The following NBAS variants were observed in gnomAD, a reference collection of about 807,000 sequenced individuals.
NBAS encodes the protein NBAS subunit of NRZ tethering complex.
NBAS carries 219 observed loss-of-function variants against 302.5 expected under a neutral mutation model. That is an observed-to-expected ratio of 0.72 (90% CI 0.65 to 0.81). NBAS has a LOEUF of 0.81. Ranked by LOEUF, NBAS falls within the 30% of genes least tolerant of loss-of-function variation. The pLI, the probability that NBAS is intolerant of heterozygous loss-of-function variation, is 0.00. For missense variants in NBAS, 2,932 were observed against 2,841.6 expected (o/e 1.03, Z -0.72); for synonymous variants, 1,118 against 1,021.6 (o/e 1.09, Z -1.80).
At chr2:15,156,221 T>C in the NBAS span, among the ~76,000 whole-genome samples, 3 of 152,176 alleles carry the variant, frequency 2.0e-5, no homozygotes, top group African/African-American at 7.2e-5. Context: ...CCAGGAATAG[T>C]AGCTCTGTAC....
the NBAS span, among the ~76,000 whole-genome samples, chr2:15,030,836 C>T: frequency 6.6e-6 from 1 of 152,108 alleles, no homozygotes. Flanking sequence ...ATCAATATCA[C>T]CCCCTCTCCT....
chr2:15,106,388 C>T, the NBAS span, among the ~76,000 whole-genome samples: 3 of 152,012 alleles, frequency 2.0e-5, no homozygotes, highest in South Asian at 2.1e-4. Flanking sequence ...ATCTATTAAT[C>T]GTTTAACTTC....
At chr2:15,146,752 C>T in the NBAS span, among the ~76,000 whole-genome samples, 10 of 152,092 alleles carry the variant, frequency 6.6e-5, no homozygotes, top group South Asian at 2.1e-4. Flanking sequence ...CCCCTATCCC[C>T]GTGGGCCAGG....
chr2:15,338,462 G>C (rs528844485), intron 35 of NBAS, among the ~76,000 whole-genome samples: 20 of 152,166 alleles, frequency 1.3e-4, no homozygotes, highest in Admixed American at 1.3e-3. Context: ...ATACCTGTCA[G>C]AACAAGCAAT....
chr2:15,002,301 C>G, the NBAS span, among the ~76,000 whole-genome samples: 2 of 152,106 alleles, frequency 1.3e-5, no homozygotes, highest in Non-Finnish European at 1.5e-5. Context: ...AAGGCCCCAC[C>G]AGAGTAGCTA....
At chr2:15,185,585 G>A (rs937717757) in intron 50 of NBAS, among the ~76,000 whole-genome samples, 5 of 152,078 alleles carry the variant, frequency 3.3e-5, no homozygotes, top group Non-Finnish European at 7.4e-5. Context: ...CCCTCTCCAG[G>A]AGCCCACAAT....
chr2:15,328,949 C>T (rs981630186), intron 36 of NBAS, among the ~76,000 whole-genome samples: 2 of 152,142 alleles, frequency 1.3e-5, no homozygotes, highest in African/African-American at 4.8e-5. Flanking sequence ...CCTGCTGAAT[C>T]CTTGACAGAT....
intron 38 of NBAS, among the ~76,000 whole-genome samples, chr2:15,312,114 C>T (rs1428996341): frequency 6.6e-6 from 1 of 152,190 alleles, no homozygotes; most frequent in Non-Finnish European, 1.5e-5. Context: ...TTCAAGGACA[C>T]TGAGTTCTCC....
chr2:15,049,245 G>A, the NBAS span, among the ~76,000 whole-genome samples: 1,027 of 152,346 alleles, frequency 6.7e-3, 8 homozygotes, highest in Admixed American at 0.014. Context: ...AGCTCAGGTG[G>A]CACCTGTTCC....
intron 28 of NBAS, among the ~76,000 whole-genome samples, chr2:15,393,251 A>G (rs34815739): frequency 0.63 from 94,990 of 151,778 alleles, 30,486 homozygotes; most frequent in Middle Eastern, 0.69. Context: ...ACAAAGGTAA[A>G]ATAATGAAAA....
At chr2:14,860,601 G>A in the NBAS span, among the ~76,000 whole-genome samples, 20 of 152,146 alleles carry the variant, frequency 1.3e-4, 1 homozygote, top group African/African-American at 4.6e-4. Flanking sequence ...AATCCCACAT[G>A]TTCTCACTCA....
chr2:15,526,935 C>G (rs1170086287), intron 9 of NBAS, among the ~76,000 whole-genome samples: 1 of 151,808 alleles, frequency 6.6e-6, no homozygotes, highest in Admixed American at 6.6e-5. Context: ...CATTTCAATC[C>G]TACGGTCCCA....
chr2:14,985,631 G>A, the NBAS span, among the ~76,000 whole-genome samples: 1 of 152,182 alleles, frequency 6.6e-6, no homozygotes, highest in Non-Finnish European at 1.5e-5. Context: ...AATCTATTGA[G>A]GACAGGGGCT....
At chr2:14,847,641 A>G in the NBAS span, among the ~76,000 whole-genome samples, 4 of 152,106 alleles carry the variant, frequency 2.6e-5, no homozygotes, top group African/African-American at 9.7e-5. Flanking sequence ...ATATAAAGAA[A>G]ATATTATTAG....
chr2:14,972,260 G>A, the NBAS span, among the ~76,000 whole-genome samples: 3 of 151,910 alleles, frequency 2.0e-5, no homozygotes, highest in Non-Finnish European at 4.4e-5. Context: ...TGAGAACACA[G>A]ACACAGGGAG....
the NBAS span, among the ~76,000 whole-genome samples, chr2:15,156,086 C>T: frequency 1.3e-5 from 2 of 152,126 alleles, no homozygotes; most frequent in Non-Finnish European, 2.9e-5. Context: ...ATTTCCTGCC[C>T]AAAAAATGTT....
At chr2:14,816,032 T>C in the NBAS span, among the ~76,000 whole-genome samples, 1 of 152,164 alleles carries the variant, frequency 6.6e-6, no homozygotes, top group African/African-American at 2.4e-5. Flanking sequence ...TTCTTTTGCC[T>C]CTCCATTTCT....
chr2:14,920,308 C>A, the NBAS span, among the ~76,000 whole-genome samples: 3 of 152,142 alleles, frequency 2.0e-5, no homozygotes, highest in Non-Finnish European at 2.9e-5. Flanking sequence ...GCAAACCATG[C>A]AGTAAACAGA....
chr2:15,175,340 T>C (rs1007400791), intron 51 of NBAS, among the ~76,000 whole-genome samples: 7 of 151,950 alleles, frequency 4.6e-5, no homozygotes, highest in African/African-American at 1.7e-4. Context: ...GGATGAGGGG[T>C]TGCATAGAGG....
Sources: allele counts gnomAD v4.1 joint callset (sites outside exome capture counted in the v4.1 genomes callset), GRCh38; gene constraint gnomAD v4.1.1; transcripts MANE v1.5; gene names NCBI Gene and HGNC (gene_info 2026-07-23, HGNC 2026-07-21).